The following GRB2 variants were observed in gnomAD, a reference collection of about 807,000 sequenced individuals.
GRB2 encodes growth factor receptor-bound protein 2.
GRB2 carries 2 observed loss-of-function variants against 27.4 expected under a neutral mutation model. That is an observed-to-expected ratio of 0.07 (90% CI 0.03 to 0.23). The LOEUF is 0.23. Ranked by LOEUF, GRB2 falls within the 10% of genes least tolerant of loss-of-function variation. The pLI is 1.00. For missense variants in GRB2, 102 were observed against 282.4 expected (o/e 0.36, Z 4.58); for synonymous variants, 94 against 99.6 (o/e 0.94, Z 0.33).
chr17:75,404,620 G>A (rs1187854737), intron 1 of GRB2, among the ~76,000 whole-genome samples: 1 of 152,106 alleles, frequency 6.6e-6, no homozygotes, highest in Admixed American at 6.6e-5. Flanking sequence ...AAGGACAGAA[G>A]CAGATAGAGA....
chr17:75,359,262 T>C (rs115639704), intron 2 of GRB2, among the ~76,000 whole-genome samples: 2,398 of 150,728 alleles, frequency 0.016, 60 homozygotes, highest in African/African-American at 0.055. Flanking sequence ...ATCTAGCACA[T>C]TGGGAGGCCA....
At chr17:75,321,033 T>C (rs1431957579) in intron 5 of GRB2, among the ~76,000 whole-genome samples, 2 of 152,116 alleles carry the variant, frequency 1.3e-5, no homozygotes, top group Admixed American at 6.6e-5. Context: ...CTCACAAGCA[T>C]AGTTTTCCTC....
chr17:75,386,473 T>C (rs2078964597), intron 2 of GRB2, among the ~76,000 whole-genome samples: 1 of 152,110 alleles, frequency 6.6e-6, no homozygotes, highest in African/African-American at 2.4e-5. Context: ...CTGATACCTA[T>C]TACCAAGCCA....
rs1372980965 is a variant in GRB2 at position 75,381,724 on chromosome 17, AAAAAAAAAAAG to A, written c.78+11816_78+11826del. On this transcript the variant is annotated intron_variant, in intron 2 of 5. Transcript: ENST00000316804. ...TGATGGTGCAAGACTCCGTCTCAAA[AAAAAAAAAAAG>A]AAAAAAAAAAAGAAAATAAAGATAT... 3.1e-3 allele frequency among the ~76,000 whole-genome samples: 444 copies of A among 145,408 alleles called. 1 individual carries two copies. Among genetic ancestry groups the A allele is most frequent in the Non-Finnish European group, 5.2e-3 (346 of 66,552 alleles).
Position 75,320,664 on chromosome 17 carries a change from T to C in GRB2, c.469-111A>G. ...ACGAATGCGTGCCAAATTCTCCATG[T>C]TTCTTAAACTCACCTCCCATCTCCC... is the stretch of plus-strand genomic sequence containing the variant. On this transcript the variant is annotated intron_variant, in intron 5 of 5. Transcript: ENST00000316804. This position sits in a 1 kb window ranked among gnomAD's most constrained non-coding sequence, Gnocchi z 4.3. 1 of 734,574 alleles carries C rather than the reference T, an allele frequency of 1.4e-6. No individual in the cohort carries two copies. The highest frequency in any genetic ancestry group is 1.7e-5 in the South Asian group (1 of 58,666). 45.5% of individuals were successfully genotyped at this position (734,574 alleles called of 1,614,324 possible). A position where few individuals can be genotyped will look rare whatever the true frequency, so the allele number is the denominator to read the frequency against.
chr17:75,321,859 TA>T, intron 4 of GRB2, 32 bp from the exon 5 acceptor site: 1 of 1,607,922 alleles, frequency 6.2e-7, no homozygotes, highest in African/African-American at 1.3e-5. Context: ...TGTGACCGGC[TA>T]AAGGCTCTAA....
At chr17:75,389,291 T>C (rs1013506155) in intron 2 of GRB2, among the ~76,000 whole-genome samples, 1 of 54,560 alleles carries the variant, frequency 1.8e-5, no homozygotes, top group Non-Finnish European at 3.5e-5. Context: ...TCTCTTAACC[T>C]ACACGTCCTG....
At chr17:75,342,402 T>C (rs1224030098) in intron 2 of GRB2, among the ~76,000 whole-genome samples, 2 of 152,192 alleles carry the variant, frequency 1.3e-5, no homozygotes, top group Non-Finnish European at 2.9e-5. Context: ...TAGAGCAAGC[T>C]GGGTCTACAA....
At chr17:75,381,514 C>T (rs1166047619) in intron 2 of GRB2, among the ~76,000 whole-genome samples, 3 of 151,334 alleles carry the variant, frequency 2.0e-5, no homozygotes, top group South Asian at 2.1e-4. Context: ...GTCAGGAGTT[C>T]GAGACCAGCC....
At chr17:75,373,981 G>C (rs898139704) in intron 2 of GRB2, among the ~76,000 whole-genome samples, 6 of 151,284 alleles carry the variant, frequency 4.0e-5, no homozygotes, top group African/African-American at 1.5e-4. Flanking sequence ...ATTTTTAGTA[G>C]AGACAGGGTT....
At chr17:75,329,023 C>G (rs532260345) in intron 3 of GRB2, among the ~76,000 whole-genome samples, 1 of 152,064 alleles carries the variant, frequency 6.6e-6, no homozygotes, top group African/African-American at 2.4e-5. Context: ...CCCCAATCAA[C>G]GGTATTTAAA....
chr17:75,374,403 CAA>C lies in GRB2; in HGVS notation c.78+19146_78+19147del, dbSNP rs56404809. The stretch of plus-strand genomic sequence containing the variant: ...TGGGAGACAGAGTAAGACTCCATAT[CAA>C]AAAAAAAAAAAAAAAAAAAGAATTC... On this transcript the variant is annotated intron_variant, in intron 2 of 5. Coordinates refer to ENST00000316804, the MANE Select transcript of GRB2 (RefSeq NM_002086.5). Among the ~76,000 whole-genome samples, 61 of 88,790 alleles carry C rather than the reference CAA, an allele frequency of 6.9e-4. 1 individual carries two copies. Among genetic ancestry groups the C allele is most frequent in the African/African-American group, 2.0e-3 (44 of 22,252 alleles). The allele number at this position is 88,790 out of a possible 152,430, so 58.2% of individuals were successfully genotyped here.
chr17:75,345,049 T>A (rs1366602224), intron 2 of GRB2, among the ~76,000 whole-genome samples: 1 of 151,874 alleles, frequency 6.6e-6, no homozygotes, highest in African/African-American at 2.4e-5. Context: ...TTTTATTTAT[T>A]ATTATTATTT....
chr17:75,390,668 G>A (rs2145870606), intron 2 of GRB2, among the ~76,000 whole-genome samples: 1 of 152,298 alleles, frequency 6.6e-6, no homozygotes. Context: ...GACAGTAACA[G>A]GTCAATGTGT....
intron 2 of GRB2, among the ~76,000 whole-genome samples, chr17:75,336,965 T>G (rs992612382): frequency 7.2e-5 from 11 of 152,334 alleles, no homozygotes; most frequent in African/African-American, 2.4e-4. Flanking sequence ...CTCATATTCC[T>G]GGCCTCAAGC....
intron 4 of GRB2, among the ~76,000 whole-genome samples, chr17:75,324,509 T>TTTTTTTTTG (rs2078483911): frequency 1.1e-5 from 1 of 86,962 alleles, no homozygotes; most frequent in African/African-American, 5.4e-5. Flanking sequence ...CGCACCCAGT[T>TTTTTTTTTG]TTTTTTTTTT....
At chr17:75,321,105 G>C (rs533504433) in intron 5 of GRB2, among the ~76,000 whole-genome samples, 1 of 151,792 alleles carries the variant, frequency 6.6e-6, no homozygotes, top group African/African-American at 2.4e-5. Context: ...TCCCTAGAGA[G>C]GCTGGCAAGC....
In GRB2 at chr17:75,320,995, G is replaced by A. The variant is rs2078454993; in HGVS notation, c.469-442C>T. ...CCGTAACTTACGACCAGGGCTCGAG[G>A]GACAGGAACGGGTGCCGACCCCATT... On this transcript the variant is annotated intron_variant, in intron 5 of 5. Coordinates refer to ENST00000316804, the MANE Select transcript of GRB2 (RefSeq NM_002086.5). The surrounding 1 kb of genome is among the most constrained non-coding windows in gnomAD (Gnocchi z 4.3). Among the ~76,000 whole-genome samples, 1 of 152,028 alleles carries A rather than the reference G, an allele frequency of 6.6e-6. No individual in the cohort carries two copies. Among genetic ancestry groups the A allele is most frequent in the African/African-American group, 2.4e-5 (1 of 41,356 alleles).
Position 75,329,481 on chromosome 17 carries a change from T to TA in GRB2, c.176+3218dup, listed in dbSNP as rs111645350. Among the ~76,000 whole-genome samples the TA allele has an allele frequency of 4.0e-5, 6 of 151,860 alleles. No individual in the cohort carries two copies. In the South Asian group the frequency reaches 1.0e-3, roughly 26 times the overall value. ...AAATTAACGCAATTTTATTTTCAAT[T>TA]AAAAAAAATAAATTGTAGTGAAGTA... On this transcript the variant is annotated intron_variant, in intron 3 of 5. Coordinates refer to ENST00000316804, the MANE Select transcript of GRB2 (RefSeq NM_002086.5).
Sources: allele counts gnomAD v4.1 joint callset (sites outside exome capture counted in the v4.1 genomes callset), GRCh38; gene constraint gnomAD v4.1.1; non-coding constraint Gnocchi (gnomAD v3.1); transcripts MANE v1.5; gene names NCBI Gene and HGNC (gene_info 2026-07-23, HGNC 2026-07-21).